SLC7A3: variants seen among roughly 807,000 people sequenced by gnomAD.
SLC7A3 encodes cationic amino acid transporter 3.
SLC7A3 carries 3 observed loss-of-function variants against 33.2 expected under a neutral mutation model. That is an observed-to-expected ratio of 0.09 (90% CI 0.04 to 0.23). The LOEUF (loss-of-function observed/expected upper bound fraction) is 0.23. SLC7A3 is among the 10% of genes least tolerant of loss of function. The pLI is 1.00. For missense variants in SLC7A3, 360 were observed against 488.8 expected (o/e 0.74, Z 2.48); for synonymous variants, 193 against 195.1 (o/e 0.99, Z 0.09).
At position 70,930,004 on chromosome X, in the gene SLC7A3, A is replaced by T. The variant is rs765845504; in HGVS notation, c.-7T>A. 3.4e-5 allele frequency: 41 copies of T among 1,189,252 alleles called. No homozygotes were observed. Among genetic ancestry groups the T allele is most frequent in the Non-Finnish European group, 4.6e-5 (41 of 882,495 alleles). On this transcript the variant is annotated 5_prime_UTR_variant, in exon 2 of 12. Transcript: ENST00000374299. ...GAAATGCTTGCCACGGCATCCTAGC[A>T]GGAATTGAAGAAGATGATCTGGTGA...
chrX:70,925,582 A>T lies in SLC7A3; in HGVS notation c.*231T>A. On this transcript the variant is annotated 3_prime_UTR_variant, in exon 12 of 12. Transcript: ENST00000374299. ...GCAAGCAAAAAACAGGACACAGTTT[A>T]TTTTTCTACTTTCTTTTAATATCAT... 1 of 351,058 alleles carries T rather than the reference A, an allele frequency of 2.8e-6. No homozygotes were observed. The highest frequency in any genetic ancestry group is 4.9e-6 in the Non-Finnish European group (1 of 204,396). 28.9% of individuals were successfully genotyped at this position (351,058 alleles called of 1,213,427 possible). A position where few individuals can be genotyped will look rare whatever the true frequency, so the allele number is the denominator to read the frequency against.
chrX:70,926,226 G>C (rs1195745211), intron 10 of SLC7A3, 48 bp from the exon 11 acceptor site: 8 of 1,070,815 alleles, frequency 7.5e-6, no homozygotes, highest in Non-Finnish European at 9.0e-6. Flanking sequence ...GGTTGACCTA[G>C]AAAGAGATCC....
At chrX:70,926,429 C>T (rs2091896873) in intron 10 of SLC7A3, 98 bp downstream of exon 10, 1 of 968,424 alleles carries the variant, frequency 1.0e-6, no homozygotes, top group Admixed American at 3.4e-5. Flanking sequence ...CTTTCATGTT[C>T]AATTAAAGAA....
At chrX:70,930,170 T>C (rs2091907842) in intron 1 of SLC7A3, 148 bp from the exon 2 acceptor site, 2 of 523,255 alleles carry the variant, frequency 3.8e-6, no homozygotes. Context: ...TCACTTTACC[T>C]CTAACCTCAG....
intron 1 of SLC7A3, among the ~76,000 whole-genome samples, chrX:70,930,320 T>A (rs2091908236): frequency 8.9e-6 from 1 of 112,015 alleles, no homozygotes; most frequent in African/African-American, 3.2e-5. Flanking sequence ...TCTCTTTCTC[T>A]TGCCAGAAAC....
chrX:70,930,421 T>C (rs2091908470), intron 1 of SLC7A3, among the ~76,000 whole-genome samples: 1 of 111,087 alleles, frequency 9.0e-6, no homozygotes, highest in East Asian at 2.9e-4. Context: ...TAAACAGAGC[T>C]CCACCCAGGG....
chrX:70,925,695 G>T lies in SLC7A3; in HGVS notation c.*118C>A. On this transcript the variant is annotated 3_prime_UTR_variant, in exon 12 of 12. Coordinates refer to ENST00000374299, the MANE Select transcript of SLC7A3 (RefSeq NM_032803.6). ...ATAGCAAAGACACATCCTTCACATC[G>T]TACAGAACTGTATTAGTATCCACCA... 1.2e-6 allele frequency: 1 copy of T among 839,177 alleles called. No individual in the cohort carries two copies. Among genetic ancestry groups the T allele is most frequent in the East Asian group, 3.2e-5 (1 of 31,701 alleles). The allele number at this position is 839,177 out of a possible 1,213,427, so 69.2% of individuals were successfully genotyped here. A position where few individuals can be genotyped will look rare whatever the true frequency, so the allele number is the denominator to read the frequency against.
intron 2 of SLC7A3, 36 bp from the exon 3 acceptor site, chrX:70,929,038 C>A: frequency 8.4e-7 from 1 of 1,191,331 alleles, no homozygotes; most frequent in Non-Finnish European, 1.1e-6. Flanking sequence ...TGGCCAAGTT[C>A]CCTTCTTCCC....
At chrX:70,930,139 T>C (rs2091907788) in intron 1 of SLC7A3, 117 bp from the exon 2 acceptor site, 1 of 721,770 alleles carries the variant, frequency 1.4e-6, no homozygotes, top group Non-Finnish European at 2.0e-6. Flanking sequence ...AGGACGGGGA[T>C]ATGGAAGGGA....
rs191422299 is a variant in SLC7A3, at chrX:70,925,912, C to T, written c.1761G>A (p.Gln587=). Residue 587 remains glutamine (Q), a synonymous_variant, in exon 12 of 12, where the codon CAG becomes CAA. Transcript: ENST00000374299. The stretch of plus-strand genomic sequence containing the variant: ...TACTCTTAATCTCTTCCAGGCTGTG[C>T]TGGATCCCATAGCCGAAGTAGATAG... ...GFAIYFGYGI[Q]HSLEEIKSNQ... 9.8e-5 allele frequency: 119 copies of T among 1,209,651 alleles called. 1 individual carries two copies. Among genetic ancestry groups the T allele is most frequent in the East Asian group, 8.0e-4 (27 of 33,739 alleles).
rs775445094 is a variant in SLC7A3 at position 70,928,826 on chromosome X, C to T, written c.529+18G>A. On this transcript the variant is annotated intron_variant, in intron 3 of 11. Transcript: ENST00000374299. ...TCCTGGCCCAACCCCCACCATTATA[C>T]CCTGCTCTTTGCCTCACCAGTGAGC... The T allele has an allele frequency of 1.8e-5, 22 of 1,208,601 alleles. No homozygotes were observed. The highest frequency in any genetic ancestry group is 2.3e-5 in the Non-Finnish European group (21 of 894,186).
chrX:70,928,352 C>T, intron 4 of SLC7A3, 95 bp from the exon 5 acceptor site: 2 of 1,095,232 alleles, frequency 1.8e-6, no homozygotes, highest in Non-Finnish European at 2.5e-6. Flanking sequence ...GTCTTCAAAG[C>T]CCAGCCTCCC....
intron 4 of SLC7A3, 58 bp from the exon 5 acceptor site, chrX:70,928,315 T>C: frequency 8.9e-7 from 1 of 1,123,264 alleles, no homozygotes; most frequent in Admixed American, 2.4e-5. Context: ...TCTGTATCTT[T>C]TCTCTAATGC....
intron 9 of SLC7A3, 40 bp downstream of exon 9, chrX:70,926,835 G>T: frequency 8.4e-7 from 1 of 1,193,184 alleles, no homozygotes. Context: ...ACCCAATCAC[G>T]CTGATCTCAG....
chrX:70,930,287 G>A (rs2091908136), intron 1 of SLC7A3, among the ~76,000 whole-genome samples: 1 of 112,064 alleles, frequency 8.9e-6, no homozygotes, highest in Non-Finnish European at 1.9e-5. Context: ...CTGGCGCCTA[G>A]TAAGTGCTCA....
Position 70,927,630 on chromosome X carries a change from A to G in SLC7A3, c.1044-7T>C, listed in dbSNP as rs759106590. 42 of 1,205,835 alleles carry G rather than the reference A, an allele frequency of 3.5e-5. No individual in the cohort carries two copies. Among genetic ancestry groups the G allele is most frequent in the East Asian group, 2.7e-4 (9 of 33,650 alleles). On this transcript the variant is annotated splice_region_variant and splice_polypyrimidine_tract_variant and intron_variant, in intron 6 of 11. Transcript: ENST00000374299. ...GAACATGGAGCCCAGGAGGCTGGAG[A>G]GGAGAATGCCCAGGGTGGCATGAGT...
chrX:70,930,703 G>A (rs893213427), intron 1 of SLC7A3, among the ~76,000 whole-genome samples: 6 of 112,190 alleles, frequency 5.3e-5, no homozygotes, highest in Admixed American at 1.9e-4. Flanking sequence ...GGGGCCCCAG[G>A]GCAGCCCGAG....
Position 70,927,778 on chromosome X carries a change from A to G in SLC7A3, c.1043+20T>C. The G allele has an allele frequency of 8.5e-7, 1 of 1,169,706 alleles. No homozygotes were observed. Among genetic ancestry groups the G allele is most frequent in the Middle Eastern group, 2.3e-4 (1 of 4,301 alleles). Reference sequence around the variant, plus strand: ...ACCTGAGACTCTGACAGCAGAAGAAAACAAACATTTGATACTGACCTGGTA... The same window carrying G: ...ACCTGAGACTCTGACAGCAGAAGAAGACAAACATTTGATACTGACCTGGTA... On this transcript the variant is annotated intron_variant, in intron 6 of 11. Coordinates refer to ENST00000374299, the MANE Select transcript of SLC7A3 (RefSeq NM_032803.6).
In SLC7A3 at chrX:70,925,874, C is replaced by A; in HGVS notation, c.1799G>T (p.Arg600Leu). 8.3e-7 allele frequency: 1 copy of A among 1,211,191 alleles called. No individual in the cohort carries two copies. Among genetic ancestry groups the A allele is most frequent in the South Asian group, 1.8e-5 (1 of 56,937 alleles). ...LEEIKSNQPS[R>L]KSRAKTVDLD... ...GTCTACAGTTTTGGCTCTAGACTTG[C>A]GTGAGGGTTGGTTACTCTTAATCTC... Residue 600 changes from arginine (R) to leucine (L), a missense_variant, in exon 12 of 12, where the codon CGC becomes CTC. Coordinates refer to ENST00000374299, the MANE Select transcript of SLC7A3 (RefSeq NM_032803.6).
Sources: allele counts gnomAD v4.1 joint callset (sites outside exome capture counted in the v4.1 genomes callset), GRCh38; gene constraint gnomAD v4.1.1; transcripts MANE v1.5; gene names NCBI Gene and HGNC (gene_info 2026-07-23, HGNC 2026-07-21).